The following DIAPH1 variants were observed in gnomAD, a reference collection of about 807,000 sequenced individuals.
DIAPH1 encodes protein diaphanous homolog 1.
Under a neutral mutation model 140.7 loss-of-function variants are expected in DIAPH1, and 46 were observed. The observed-to-expected ratio is 0.33, with a 90% CI of 0.26 to 0.42. The LOEUF (loss-of-function observed/expected upper bound fraction) is 0.42, where lower values mean the gene tolerates loss of function less well. Ranked by LOEUF, DIAPH1 falls within the 10% of genes least tolerant of loss-of-function variation. The pLI, the probability that DIAPH1 is intolerant of heterozygous loss-of-function variation, is 1.00. For missense variants in DIAPH1, 1,310 were observed against 1,558.7 expected (o/e 0.84, Z 2.69); for synonymous variants, 565 against 551.6 (o/e 1.02, Z -0.34).
intron 1 of DIAPH1, among the ~76,000 whole-genome samples, chr5:141,594,463 C>T (rs757071484): frequency 1.3e-5 from 2 of 152,124 alleles, no homozygotes; most frequent in African/African-American, 4.8e-5. Context: ...TACATATGGC[C>T]GGGCGCGGTA....
intron 18 of DIAPH1, among the ~76,000 whole-genome samples, chr5:141,559,584 A>C (rs904854398): frequency 6.6e-6 from 1 of 152,230 alleles, no homozygotes; most frequent in Admixed American, 6.5e-5. Context: ...AGTATTAAAA[A>C]TCTGGGCACT....
At chr5:141,604,694 A>G (rs550847381) in intron 1 of DIAPH1, among the ~76,000 whole-genome samples, 1 of 152,310 alleles carries the variant, frequency 6.6e-6, no homozygotes, top group South Asian at 2.1e-4. Context: ...TCATTTCTAA[A>G]TAATCTCTTT....
chr5:141,540,613 G>A (rs571174480), intron 18 of DIAPH1, among the ~76,000 whole-genome samples: 4 of 148,524 alleles, frequency 2.7e-5, no homozygotes, highest in Middle Eastern at 3.5e-3. Context: ...ATGGGGTTTC[G>A]CCATGTTGGC....
intron 1 of DIAPH1, among the ~76,000 whole-genome samples, chr5:141,591,803 G>A (rs1340186907): frequency 2.7e-5 from 4 of 147,150 alleles, no homozygotes; most frequent in Non-Finnish European, 5.9e-5. Context: ...AAAATTATCT[G>A]CCAGGCACAG....
chr5:141,589,610 T>A (rs1411160231), intron 1 of DIAPH1, among the ~76,000 whole-genome samples: 1 of 111,412 alleles, frequency 9.0e-6, no homozygotes, highest in Non-Finnish European at 1.7e-5. Context: ...AAGGAAATAA[T>A]CACCATAAAT....
At chr5:141,542,994 T>C (rs961605410) in intron 18 of DIAPH1, among the ~76,000 whole-genome samples, 95 of 152,012 alleles carry the variant, frequency 6.2e-4, no homozygotes, top group African/African-American at 2.2e-3. Flanking sequence ...ACTGTGATTA[T>C]AGAACTTGTA....
intron 1 of DIAPH1, among the ~76,000 whole-genome samples, chr5:141,594,142 C>T (rs2099898921): frequency 6.6e-6 from 1 of 152,174 alleles, no homozygotes; most frequent in Non-Finnish European, 1.5e-5. Flanking sequence ...TAAAATGGTA[C>T]AACCACTTTC....
chr5:141,618,174 T>C (rs529677215), intron 1 of DIAPH1, among the ~76,000 whole-genome samples: 9 of 152,182 alleles, frequency 5.9e-5, no homozygotes, highest in South Asian at 2.1e-4. Flanking sequence ...CCAGTGACCA[T>C]AGGACCTGGG....
chr5:141,585,676 T>C (rs2099897435), intron 3 of DIAPH1, among the ~76,000 whole-genome samples: 1 of 152,118 alleles, frequency 6.6e-6, no homozygotes, highest in Non-Finnish European at 1.5e-5. Context: ...GGTGTCCACC[T>C]GTAATCCCAG....
At chr5:141,597,507 A>G (rs2099899507) in intron 1 of DIAPH1, among the ~76,000 whole-genome samples, 1 of 152,224 alleles carries the variant, frequency 6.6e-6, no homozygotes, top group South Asian at 2.1e-4. Flanking sequence ...CTACTGTAGG[A>G]CATGCTCCAC....
chr5:141,574,710 T>C (rs376900925), intron 15 of DIAPH1, among the ~76,000 whole-genome samples: 3 of 152,234 alleles, frequency 2.0e-5, no homozygotes, highest in South Asian at 2.1e-4. Context: ...AGGAGACTTA[T>C]TACTTTTATT....
intron 19 of DIAPH1, 124 bp downstream of exon 19, chr5:141,534,211 G>A: frequency 1.3e-6 from 1 of 763,876 alleles, no homozygotes; most frequent in South Asian, 1.5e-5. Context: ...CTGTGCAATG[G>A]TTGGTATATA....
At chr5:141,528,412 CAG>C in intron 23 of DIAPH1, 39 bp downstream of exon 23, 2 of 1,613,562 alleles carry the variant, frequency 1.2e-6, no homozygotes, top group Non-Finnish European at 1.7e-6. Context: ...CCTCCCCATG[CAG>C]AGACTTTTGG....
chr5:141,581,754 A>C (rs1246734756), intron 7 of DIAPH1, among the ~76,000 whole-genome samples: 1 of 152,154 alleles, frequency 6.6e-6, no homozygotes, highest in African/African-American at 2.4e-5. Flanking sequence ...AAGAATTAGC[A>C]AAAGAAAGTA....
intron 1 of DIAPH1, among the ~76,000 whole-genome samples, chr5:141,615,762 T>C (rs1279886464): frequency 6.6e-6 from 1 of 151,966 alleles, no homozygotes; most frequent in African/African-American, 2.4e-5. Context: ...AAAAAAAAAT[T>C]CTCGCTAATG....
chr5:141,535,164 G>A (rs1344833718), intron 18 of DIAPH1, among the ~76,000 whole-genome samples: 2 of 152,068 alleles, frequency 1.3e-5, no homozygotes, highest in African/African-American at 4.8e-5. Context: ...TGCCCAGGCT[G>A]GCCTCAAACT....
At chr5:141,571,529 A>G (rs1269562649) in intron 17 of DIAPH1, 93 bp from the exon 18 acceptor site, 1 of 1,127,676 alleles carries the variant, frequency 8.9e-7, no homozygotes, top group African/African-American at 1.6e-5. Context: ...TTGTTACTGT[A>G]GACAGTCACT....
At chr5:141,518,788 C>T in intron 27 of DIAPH1, 2 of 722,488 alleles carry the variant, frequency 2.8e-6, no homozygotes, top group Non-Finnish European at 2.4e-6. Context: ...ACCTAAAGTT[C>T]TGGGATTACA....
chr5:141,605,534 T>G (rs183852591), intron 1 of DIAPH1, among the ~76,000 whole-genome samples: 1 of 152,222 alleles, frequency 6.6e-6, no homozygotes, highest in Admixed American at 6.5e-5. Context: ...CAGTGGTATT[T>G]TGCTTAAGGA....
Sources: allele counts gnomAD v4.1 joint callset (sites outside exome capture counted in the v4.1 genomes callset), GRCh38; gene constraint gnomAD v4.1.1; transcripts MANE v1.5; gene names NCBI Gene and HGNC (gene_info 2026-07-23, HGNC 2026-07-21).